Variants in DDX46 observed in about 807,000 individuals in gnomAD.
The protein encoded by DDX46 is DEAD-box helicase 46, also known as probable ATP-dependent RNA helicase DDX46.
In DDX46, 30 loss-of-function variants were observed where a neutral mutation model predicts 134.9. The observed-to-expected ratio is 0.22, with a 90% CI of 0.17 to 0.30. The LOEUF (loss-of-function observed/expected upper bound fraction) is 0.30. Ranked by LOEUF, DDX46 falls within the 10% of genes least tolerant of loss-of-function variation. The pLI is 1.00. For missense variants in DDX46, 622 were observed against 1,248.7 expected, an observed-to-expected ratio of 0.50 and a Z score of 7.56; for synonymous variants, 415 against 404.1, an observed-to-expected ratio of 1.03 and a Z score of -0.32.
At chr5:134,803,647 C>A (rs1754897345) in intron 15 of DDX46, among the ~76,000 whole-genome samples, 1 of 152,190 alleles carries the variant, frequency 6.6e-6, no homozygotes, top group Non-Finnish European at 1.5e-5. Flanking sequence ...CAACTTTCTT[C>A]CCATTTCTGC....
intron 15 of DDX46, among the ~76,000 whole-genome samples, chr5:134,797,367 CATGCTGTAT>C (rs1278131793): frequency 6.6e-6 from 1 of 152,096 alleles, no homozygotes; most frequent in East Asian, 1.9e-4. Flanking sequence ...GTCTCTGTTT[CATGCTGTAT>C]GTGCTGGGAC....
rs766760996 is a variant in DDX46 at position 134,816,413 on chromosome 5, T to C, written c.2437-17T>C. The C allele has an allele frequency of 1.3e-6, 2 of 1,562,888 alleles. No individual in the cohort carries two copies. The highest frequency in any genetic ancestry group is 4.1e-5 in the Admixed American group (2 of 48,918). On this transcript the variant is annotated splice_polypyrimidine_tract_variant and intron_variant, in intron 18 of 22. Coordinates refer to ENST00000452510, the MANE Select transcript of DDX46 (RefSeq NM_001300860.2). ...TAATTCAGTTTTTTACTAGTCCTTT[T>C]TTTCCTTTTGATCTAGATTGATGAG...
chr5:134,822,721 G>A (rs1260044327), intron 21 of DDX46, among the ~76,000 whole-genome samples: 3 of 152,032 alleles, frequency 2.0e-5, no homozygotes, highest in Non-Finnish European at 2.9e-5. Context: ...GACCACAGGT[G>A]TATGCCACTA....
chr5:134,782,144 C>A, intron 8 of DDX46, 58 bp downstream of exon 8: 1 of 1,456,742 alleles, frequency 6.9e-7, no homozygotes, highest in Non-Finnish European at 9.2e-7. Context: ...ATACATTTCA[C>A]ATTGCTCAAG....
chr5:134,794,619 A>G (rs1218133793), intron 13 of DDX46, among the ~76,000 whole-genome samples: 1 of 152,174 alleles, frequency 6.6e-6, no homozygotes, highest in Non-Finnish European at 1.5e-5. Context: ...ATAGACCACT[A>G]TATTTGTTGA....
intron 19 of DDX46, 66 bp downstream of exon 19, chr5:134,816,672 A>G: frequency 6.7e-7 from 1 of 1,487,570 alleles, no homozygotes; most frequent in Non-Finnish European, 9.1e-7. Flanking sequence ...CTTTTCAGGA[A>G]TTATGTTGAA....
chr5:134,773,876 C>T lies in DDX46; in HGVS notation c.613+15C>T. On this transcript the variant is annotated intron_variant, in intron 5 of 22. Transcript: ENST00000452510. ...GGACGATGATGGTATATTTTTTAGC[C>T]TAATAGCCTGTATAACACCTCATGT... is the stretch of plus-strand genomic sequence containing the variant. The T allele has an allele frequency of 1.3e-6, 2 of 1,581,796 alleles. No individual in the cohort carries two copies. The highest frequency in any genetic ancestry group is 1.7e-6 in the Non-Finnish European group (2 of 1,167,218).
At chr5:134,777,353 A>G (rs1161277584) in intron 5 of DDX46, among the ~76,000 whole-genome samples, 1 of 152,190 alleles carries the variant, frequency 6.6e-6, no homozygotes, top group African/African-American at 2.4e-5. Flanking sequence ...TGTTTTATTC[A>G]TATTTATTTT....
intron 6 of DDX46, among the ~76,000 whole-genome samples, chr5:134,780,303 C>T (rs1422745361): frequency 1.3e-5 from 2 of 150,272 alleles, no homozygotes; most frequent in African/African-American, 4.9e-5. Context: ...CTGACTCACG[C>T]CTGTCATCTC....
intron 4 of DDX46, among the ~76,000 whole-genome samples, chr5:134,773,204 T>G (rs971766043): frequency 1.3e-5 from 2 of 152,216 alleles, no homozygotes; most frequent in Non-Finnish European, 2.9e-5. Flanking sequence ...CCCAGGTAGC[T>G]GGGACCACAG....
intron 15 of DDX46, chr5:134,797,191 A>AAAC (rs1754689178): frequency 2.8e-5 from 8 of 290,296 alleles, no homozygotes; most frequent in Non-Finnish European, 3.9e-5. Context: ...AAAAAAAAAA[A>AAAC]AAAAAACACA....
chr5:134,823,814 T>C (rs926672549), intron 21 of DDX46, among the ~76,000 whole-genome samples: 1 of 152,208 alleles, frequency 6.6e-6, no homozygotes, highest in African/African-American at 2.4e-5. Flanking sequence ...GTTAATTAGA[T>C]CATACAGGCT....
Position 134,816,523 on chromosome 5 carries a change from G to A in DDX46, c.2530G>A (p.Gly844Arg). 6.2e-7 allele frequency: 1 copy of A among 1,614,058 alleles called. No individual in the cohort carries two copies. The change falls in exon 19 of 23, where the codon GGA becomes AGA. Residue 844 changes from glycine (G) to arginine (R), a missense_variant. Transcript: ENST00000452510. The part of the protein sequence containing the change: ...GTSSVPAPTA[G>R]NAEKLEIAKR... ...ATCAAGTGTTCCTGCTCCAACTGCA[G>A]GAAATGCTGAGAAATTAGAAATTGC...
intron 21 of DDX46, among the ~76,000 whole-genome samples, chr5:134,819,939 G>A (rs1352301322): frequency 6.6e-6 from 1 of 151,772 alleles, no homozygotes; most frequent in South Asian, 2.1e-4. Context: ...TTTTTTCCCC[G>A]AGATGGAGTC....
intron 11 of DDX46, 25 bp from the exon 12 acceptor site, chr5:134,788,488 T>A (rs1261037370): frequency 6.3e-7 from 1 of 1,596,626 alleles, no homozygotes; most frequent in Non-Finnish European, 8.6e-7. Flanking sequence ...AGTAATAGAC[T>A]ATAAAGTTTC....
chr5:134,759,350 G>A (rs73297382), intron 1 of DDX46, among the ~76,000 whole-genome samples: 3,454 of 152,248 alleles, frequency 0.023, 64 homozygotes, highest in African/African-American at 0.055. Context: ...CTTTGTGCGC[G>A]TATGATCTTT....
rs1249453820 is a variant in DDX46 at position 134,796,414 on chromosome 5, T to C, written c.1954+264T>C. ...TTGAATTTAACTTTTCTCTGTGTTA[T>C]ACCCTTTCCATTGTACGTGCTATCT... On this transcript the variant is annotated intron_variant, in intron 15 of 22. Coordinates refer to ENST00000452510, the MANE Select transcript of DDX46 (RefSeq NM_001300860.2). Among the ~76,000 whole-genome samples the C allele has an allele frequency of 2.6e-5, 4 of 152,242 alleles. No homozygotes were observed. In the East Asian group the frequency reaches 7.7e-4, roughly 29 times the overall value.
intron 9 of DDX46, among the ~76,000 whole-genome samples, chr5:134,783,901 T>C (rs1378735444): frequency 6.7e-6 from 1 of 148,548 alleles, no homozygotes; most frequent in Non-Finnish European, 1.5e-5. Flanking sequence ...ACCAGGCTGG[T>C]CTCCAACTCC....
chr5:134,824,331 G>T (rs1375990153), intron 21 of DDX46, among the ~76,000 whole-genome samples: 1 of 152,178 alleles, frequency 6.6e-6, no homozygotes, highest in Non-Finnish European at 1.5e-5. Flanking sequence ...GGTGGCTCAC[G>T]CCTGTAATCC....
Sources: gnomAD v4.1 joint callset for allele counts (sites outside exome capture counted in the v4.1 genomes callset) on GRCh38, gnomAD v4.1.1 for gene constraint, MANE v1.5 for transcripts, NCBI Gene and HGNC (gene_info 2026-07-23, HGNC 2026-07-21) for gene names.